The following R3HDM4 variants were observed in gnomAD, a reference collection of about 807,000 sequenced individuals.
R3HDM4 encodes R3H domain containing 4, also known as R3H domain-containing protein 4.
Under a neutral mutation model 31.3 loss-of-function variants are expected in R3HDM4, and 30 were observed. The observed-to-expected ratio is 0.96, with a 90% CI of 0.72 to 1.30. The LOEUF is 1.30. R3HDM4 is among the 50% of genes most tolerant of loss of function. The pLI is 0.00. For synonymous variants in R3HDM4, 196 were observed against 156.6 expected, an observed-to-expected ratio of 1.25 and a Z score of -1.88; for missense variants, 444 against 366.1, an observed-to-expected ratio of 1.21 and a Z score of -1.74.
At chr19:911,269 C>G (rs2036968415) in intron 1 of R3HDM4, among the ~76,000 whole-genome samples, 1 of 152,180 alleles carries the variant, frequency 6.6e-6, no homozygotes, top group Non-Finnish European at 1.5e-5. Flanking sequence ...CATGATGAAA[C>G]CCCATCTCTA....
In R3HDM4 at chr19:908,911, C is replaced by G. The variant is rs537752058; in HGVS notation, c.71+4176G>C. 5.3e-5 allele frequency among the ~76,000 whole-genome samples: 8 copies of G among 152,376 alleles called. No homozygotes were observed. The East Asian group carries it at 5.8e-4, about 11-fold the overall frequency. ...CCGCCCCCCGCCCACCGCCGCCCCC[C>G]GGTCCTGGCCTGTGACCGGCCCACA... On this transcript the variant is annotated intron_variant, in intron 1 of 7. Coordinates refer to ENST00000361574, the MANE Select transcript of R3HDM4 (RefSeq NM_138774.4).
At chr19:903,287 G>A (rs545217358) in intron 1 of R3HDM4, among the ~76,000 whole-genome samples, 11 of 151,726 alleles carry the variant, frequency 7.2e-5, no homozygotes, top group East Asian at 1.9e-4. Context: ...AGGAGAGTGC[G>A]GCTGCAGCGG....
rs781466274 is a variant in R3HDM4 at position 900,900 on chromosome 19, CGAAGAACCCGCT to C, written c.392_403del (p.Glu131_Arg135delinsGly). ...GCTCCTGCCCTCATCCTCCAGGTAG[CGAAGAACCCGCT>C]CCTGCTCCTCCCCGGAGCGGTTCAT... On this transcript the variant is annotated inframe_deletion, in exon 4 of 8. Transcript: ENST00000361574. The C allele has an allele frequency of 1.4e-5, 22 of 1,605,108 alleles. No homozygotes were observed. Among genetic ancestry groups the C allele is most frequent in the Non-Finnish European group, 1.0e-5 (12 of 1,177,336 alleles).
intron 1 of R3HDM4, among the ~76,000 whole-genome samples, chr19:910,915 C>A (rs181472684): frequency 1.3e-5 from 2 of 151,378 alleles, no homozygotes; most frequent in East Asian, 3.9e-4. Context: ...GTCAAGAGAT[C>A]GAGACCATCC....
In R3HDM4 at chr19:904,661, C is replaced by T. The variant is rs547286202; in HGVS notation, c.72-2531G>A. On this transcript the variant is annotated intron_variant, in intron 1 of 7. Coordinates refer to ENST00000361574, the MANE Select transcript of R3HDM4 (RefSeq NM_138774.4). ...TCAGCCTGGGCAACATCACGGTCCC[C>T]GCTGCTCAGGAGGCTGAGGAGGGAG... Among the ~76,000 whole-genome samples the T allele has an allele frequency of 3.5e-4, 53 of 151,980 alleles. 1 individual carries two copies. The highest frequency in any genetic ancestry group is 1.8e-3 in the Admixed American group (27 of 15,250).
intron 1 of R3HDM4, among the ~76,000 whole-genome samples, chr19:903,778 C>T (rs1251700788): frequency 6.6e-6 from 1 of 151,882 alleles, no homozygotes; most frequent in Non-Finnish European, 1.5e-5. Flanking sequence ...AGGACGGGCG[C>T]GGTGGCTCAC....
intron 1 of R3HDM4, among the ~76,000 whole-genome samples, chr19:903,258 C>T (rs1301326623): frequency 6.6e-6 from 1 of 151,656 alleles, no homozygotes; most frequent in Admixed American, 6.6e-5. Context: ...CCTTAATGTC[C>T]CCTGTCCCCA....
chr19:904,041 ACT>A (rs753225408), intron 1 of R3HDM4, among the ~76,000 whole-genome samples: 54 of 152,044 alleles, frequency 3.6e-4, no homozygotes, highest in African/African-American at 8.9e-4. Flanking sequence ...ACAGAGCGAG[ACT>A]CTGTCTCAAA....
At position 897,361 on chromosome 19, in the gene R3HDM4, A is replaced by G. The variant is rs2036752146; in HGVS notation, c.*76T>C. On this transcript the variant is annotated 3_prime_UTR_variant, in exon 8 of 8. Transcript: ENST00000361574. ...TCCGAGGACAAATTCTAAAAATATGAAAGATATTTTAGCCGAAGGTATCGG... is the reference window on the plus strand; with the variant it reads ...TCCGAGGACAAATTCTAAAAATATGGAAGATATTTTAGCCGAAGGTATCGG... The G allele has an allele frequency of 3.6e-6, 4 of 1,103,118 alleles. No homozygotes were observed. Among genetic ancestry groups the G allele is most frequent in the African/African-American group, 1.6e-5 (1 of 62,406 alleles). 68.3% of individuals were successfully genotyped at this position (1,103,118 alleles called of 1,614,324 possible). A position where few individuals can be genotyped will look rare whatever the true frequency, so the allele number is the denominator to read the frequency against.
At chr19:901,602 C>T in intron 2 of R3HDM4, 56 bp from the exon 3 acceptor site, 1 of 1,570,248 alleles carries the variant, frequency 6.4e-7, no homozygotes, top group Non-Finnish European at 8.6e-7. Flanking sequence ...CCCCCAGGCA[C>T]CATGGGGACC....
intron 2 of R3HDM4, 78 bp downstream of exon 2, chr19:901,898 G>GT: frequency 6.4e-7 from 1 of 1,552,980 alleles, no homozygotes; most frequent in Non-Finnish European, 8.8e-7. Context: ...CATGGGAGGG[G>GT]TAACAGATAA....
In R3HDM4 at chr19:913,117, G is replaced by A; in HGVS notation, c.41C>T (p.Ala14Val). The A allele has an allele frequency of 2.8e-6, 3 of 1,080,846 alleles. No individual in the cohort carries two copies. The highest frequency in any genetic ancestry group is 3.7e-5 in the South Asian group (1 of 27,136). The allele number at this position is 1,080,846 out of a possible 1,614,324, so 67.0% of individuals were successfully genotyped here. ...CCGCCGCCCGCCCGGGGTGCCCTCC[G>A]CCGCCTCCGGGCCGCACTCGGGGTT... Reference protein sequence around the residue: ...LENPECGPEAAEGTPGGRRLL... With the variant: ...LENPECGPEAVEGTPGGRRLL... The change falls in exon 1 of 8, where the codon GCG (alanine) becomes GTG (valine). Residue 14 changes from alanine to valine, a missense_variant. Transcript: ENST00000361574. This position sits in a 1 kb window ranked among gnomAD's most constrained non-coding sequence, Gnocchi z 5.0.
intron 1 of R3HDM4, among the ~76,000 whole-genome samples, chr19:911,250 C>T (rs1348475668): frequency 6.6e-6 from 1 of 152,192 alleles, no homozygotes; most frequent in African/African-American, 2.4e-5. Context: ...TCAAGACCAT[C>T]CTGGCCAACA....
At chr19:901,091 T>G in intron 3 of R3HDM4, 139 bp from the exon 4 acceptor site, 2 of 1,129,172 alleles carry the variant, frequency 1.8e-6, no homozygotes, top group East Asian at 5.3e-5. Flanking sequence ...GGGCCGCTGC[T>G]TGTGTCGGGC....
Position 900,151 on chromosome 19 carries a change from A to G in R3HDM4, c.476-5T>C. 6.4e-7 allele frequency: 1 copy of G among 1,557,860 alleles called. No individual in the cohort carries two copies. Among genetic ancestry groups the G allele is most frequent in the Admixed American group, 1.9e-5 (1 of 52,398 alleles). ...GGGGTGTATAGGCGGGGTCCTCTGC[A>G]GGAGTGGGGGAACAAGGGGCAGTCT... On this transcript the variant is annotated splice_region_variant and splice_polypyrimidine_tract_variant and intron_variant, in intron 4 of 7. Coordinates refer to ENST00000361574, the MANE Select transcript of R3HDM4 (RefSeq NM_138774.4).
chr19:903,570 G>A (rs34900560), intron 1 of R3HDM4, among the ~76,000 whole-genome samples: 40,055 of 152,068 alleles, frequency 0.26, 6,319 homozygotes, highest in Non-Finnish European at 0.36. Flanking sequence ...GTGAGGGGGG[G>A]CCTCATGGAT....
Position 897,258 on chromosome 19 carries a change from C to T in R3HDM4, c.*179G>A. 1.8e-6 allele frequency: 1 copy of T among 543,464 alleles called. No individual in the cohort carries two copies. Among genetic ancestry groups the T allele is most frequent in the Non-Finnish European group, 3.2e-6 (1 of 310,282 alleles). 33.7% of individuals were successfully genotyped at this position (543,464 alleles called of 1,614,324 possible). On this transcript the variant is annotated 3_prime_UTR_variant, in exon 8 of 8. Transcript: ENST00000361574. ...GCTGGGATGGCATGGGCAGCCCCAG[C>T]CGCCAGCGTCTGTTGACTGCCAAGA...
chr19:900,241 T>C (rs975796677), intron 4 of R3HDM4, 95 bp from the exon 5 acceptor site: 2 of 980,878 alleles, frequency 2.0e-6, no homozygotes. Flanking sequence ...ACCACGCCCA[T>C]CTGTGCCTTG....
At chr19:911,233 C>T (rs1024951329) in intron 1 of R3HDM4, among the ~76,000 whole-genome samples, 1 of 152,206 alleles carries the variant, frequency 6.6e-6, no homozygotes, top group East Asian at 1.9e-4. Context: ...ATCGTGAGGT[C>T]AGGAAATCAA....
Sources: gnomAD v4.1 joint callset for allele counts (sites outside exome capture counted in the v4.1 genomes callset) on GRCh38, gnomAD v4.1.1 for gene constraint, Gnocchi (gnomAD v3.1) non-coding constraint, MANE v1.5 for transcripts, NCBI Gene and HGNC (gene_info 2026-07-23, HGNC 2026-07-21) for gene names.